PALLD: variants seen among roughly 807,000 people sequenced by gnomAD.
PALLD encodes palladin, cytoskeletal associated protein.
PALLD carries 61 observed loss-of-function variants against 123.5 expected under a neutral mutation model. That is an observed-to-expected ratio of 0.49 (90% CI 0.40 to 0.61). The LOEUF is 0.61. Ranked by LOEUF, PALLD falls within the 20% of genes least tolerant of loss-of-function variation. The pLI, the probability that PALLD is intolerant of heterozygous loss-of-function variation, is 0.00. For synonymous variants in PALLD, 465 were observed against 496.4 expected, an observed-to-expected ratio of 0.94 and a Z score of 0.84; for missense variants, 1,273 against 1,377.0, an observed-to-expected ratio of 0.92 and a Z score of 1.20.
At chr4:168,720,289 T>G (rs1785867605) in intron 10 of PALLD, among the ~76,000 whole-genome samples, 1 of 152,246 alleles carries the variant, frequency 6.6e-6, no homozygotes, top group Admixed American at 6.5e-5. Context: ...ATGCCTTCTC[T>G]TCCCACTTTA....
chr4:168,510,967 A>G (rs1468219630), intron 1 of PALLD, among the ~76,000 whole-genome samples: 1 of 152,242 alleles, frequency 6.6e-6, no homozygotes, highest in Non-Finnish European at 1.5e-5. Flanking sequence ...ACATAACTGG[A>G]GACAATAAAG....
At chr4:168,907,470 TGTGCCACAA>T (rs1290922115) in intron 15 of PALLD, among the ~76,000 whole-genome samples, 1 of 152,164 alleles carries the variant, frequency 6.6e-6, no homozygotes, top group Non-Finnish European at 1.5e-5. Context: ...CAGATGTGGC[TGTGCCACAA>T]CTGCCACAGC....
intron 8 of PALLD, among the ~76,000 whole-genome samples, chr4:168,694,711 A>G (rs1782975600): frequency 2.6e-5 from 4 of 152,218 alleles, no homozygotes; most frequent in Admixed American, 2.6e-4. Context: ...TGCAACTGAA[A>G]CAGGTTTTTC....
chr4:168,731,746 A>G (rs1310293329), intron 10 of PALLD, among the ~76,000 whole-genome samples: 3 of 152,234 alleles, frequency 2.0e-5, no homozygotes, highest in East Asian at 1.9e-4. Context: ...TAGAAAAATC[A>G]CTGACCAATT....
At chr4:168,890,163 G>C (rs970357147) in intron 10 of PALLD, among the ~76,000 whole-genome samples, 10 of 152,246 alleles carry the variant, frequency 6.6e-5, no homozygotes, top group Admixed American at 3.3e-4. Flanking sequence ...CAAGCATCCA[G>C]CACCAATGAC....
At chr4:168,892,006 T>C (rs1754219649) in intron 11 of PALLD, among the ~76,000 whole-genome samples, 1 of 152,172 alleles carries the variant, frequency 6.6e-6, no homozygotes, top group Non-Finnish European at 1.5e-5. Flanking sequence ...AAAATAATTA[T>C]TTTACAGCTG....
Position 168,604,516 on chromosome 4 carries a change from G to A in PALLD, c.909-63674G>A, listed in dbSNP as rs548502655. ...AACATCTCTAGACATAACAAATAGA[G>A]CATAGTTACATTACCAGACTAACAA... On this transcript the variant is annotated intron_variant, in intron 2 of 21. Coordinates refer to ENST00000505667, the MANE Select transcript of PALLD (RefSeq NM_001166108.2). Among the ~76,000 whole-genome samples, 15 of 152,262 alleles carry A rather than the reference G, an allele frequency of 9.9e-5. No homozygotes were observed. In the East Asian group the frequency reaches 2.9e-3, roughly 29 times the overall value.
intron 2 of PALLD, among the ~76,000 whole-genome samples, chr4:168,619,341 G>A (rs967621146): frequency 1.3e-5 from 2 of 152,246 alleles, no homozygotes; most frequent in Non-Finnish European, 2.9e-5. Context: ...GTGGAAGGGA[G>A]CTGGCAGGAG....
At chr4:168,794,450 C>G (rs1341395099) in intron 10 of PALLD, among the ~76,000 whole-genome samples, 1 of 103,302 alleles carries the variant, frequency 9.7e-6, no homozygotes, top group Middle Eastern at 5.7e-3. Context: ...CATAGACATA[C>G]GCGCAGCGCA....
chr4:168,712,817 G>A (rs1254747321), intron 10 of PALLD, among the ~76,000 whole-genome samples: 2 of 152,048 alleles, frequency 1.3e-5, no homozygotes, highest in Admixed American at 6.6e-5. Flanking sequence ...TTTGATTTGG[G>A]GCAGGAAGGG....
intron 17 of PALLD, among the ~76,000 whole-genome samples, chr4:168,920,763 G>A (rs1315336012): frequency 6.6e-6 from 1 of 152,154 alleles, no homozygotes; most frequent in African/African-American, 2.4e-5. Flanking sequence ...CAGTTTCAAG[G>A]ATTATAAAAT....
chr4:168,650,096 C>G (rs753477657), intron 2 of PALLD, among the ~76,000 whole-genome samples: 2 of 152,058 alleles, frequency 1.3e-5, no homozygotes, highest in Non-Finnish European at 2.9e-5. Context: ...ATTGCTTGAA[C>G]CCAGGAGGCG....
chr4:168,584,318 A>G (rs150638366), intron 2 of PALLD, among the ~76,000 whole-genome samples: 17 of 152,252 alleles, frequency 1.1e-4, no homozygotes, highest in African/African-American at 4.1e-4. Context: ...GAACCACTGT[A>G]TCATTACAGT....
intron 10 of PALLD, among the ~76,000 whole-genome samples, chr4:168,794,512 A>ACACG (rs1160475096): frequency 6.8e-6 from 1 of 146,418 alleles, no homozygotes; most frequent in Non-Finnish European, 1.5e-5. Flanking sequence ...ACACGCACAC[A>ACACG]CACACACACA....
At chr4:168,738,846 G>A (rs937684274) in intron 10 of PALLD, among the ~76,000 whole-genome samples, 10 of 150,894 alleles carry the variant, frequency 6.6e-5, no homozygotes, top group African/African-American at 2.4e-4. Context: ...AATTACAGAT[G>A]GCAACATTAA....
intron 11 of PALLD, 146 bp downstream of exon 11, chr4:168,891,203 C>T (rs1581934359): frequency 4.4e-6 from 4 of 902,688 alleles, no homozygotes; most frequent in Non-Finnish European, 5.3e-6. Context: ...CACTTTGTCA[C>T]CCATGCTGGA....
At chr4:168,685,912 G>A (rs1254258341) in intron 6 of PALLD, among the ~76,000 whole-genome samples, 2 of 148,446 alleles carry the variant, frequency 1.3e-5, no homozygotes, top group Non-Finnish European at 3.0e-5. Flanking sequence ...TTTTCCATTT[G>A]TCCTGAGTCC....
chr4:168,680,439 G>A (rs975186497), intron 3 of PALLD, among the ~76,000 whole-genome samples: 28 of 128,014 alleles, frequency 2.2e-4, no homozygotes, highest in African/African-American at 7.4e-4. Flanking sequence ...CCAAGATTGC[G>A]CCACTGCACT....
At chr4:168,871,967 G>GA (rs112592293) in intron 10 of PALLD, among the ~76,000 whole-genome samples, 147 of 152,280 alleles carry the variant, frequency 9.7e-4, no homozygotes, top group African/African-American at 3.3e-3. Context: ...AGACCTCCTA[G>GA]ATGAGACATC....
Sources: gnomAD v4.1 joint callset for allele counts (sites outside exome capture counted in the v4.1 genomes callset) on GRCh38, gnomAD v4.1.1 for gene constraint, MANE v1.5 for transcripts, NCBI Gene and HGNC (gene_info 2026-07-23, HGNC 2026-07-21) for gene names.